The following CDH12 variants were observed in gnomAD, a reference collection of about 807,000 sequenced individuals.
CDH12 encodes the protein cadherin 12.
A neutral mutation model predicts 74.1 loss-of-function variants in CDH12; 41 were observed. That is an observed-to-expected ratio of 0.55 (90% confidence interval 0.43 to 0.72). CDH12 has a LOEUF of 0.72. Among genes scored for constraint, CDH12 ranks in the 30% least tolerant of loss-of-function variants. CDH12 has a pLI of 0.00. For synonymous variants in CDH12, 399 were observed against 355.0 expected, an observed-to-expected ratio of 1.12 and a Z score of -1.39; for missense variants, 945 against 977.2, an observed-to-expected ratio of 0.97 and a Z score of 0.44.
At chr5:22,823,795 C>A (rs1469038580) in intron 1 of CDH12, among the ~76,000 whole-genome samples, 1 of 152,046 alleles carries the variant, frequency 6.6e-6, no homozygotes, top group African/African-American at 2.4e-5. Flanking sequence ...TCTCTCTTTG[C>A]CATGTAAGAC....
intron 4 of CDH12, among the ~76,000 whole-genome samples, chr5:22,155,074 G>A (rs902765413): frequency 3.5e-4 from 54 of 152,130 alleles, no homozygotes; most frequent in African/African-American, 1.1e-3. Flanking sequence ...GGCCCCTTCC[G>A]TTTCTGTAAT....
At chr5:22,271,824 T>C (rs1736413048) in intron 3 of CDH12, among the ~76,000 whole-genome samples, 1 of 151,856 alleles carries the variant, frequency 6.6e-6, no homozygotes, top group Non-Finnish European at 1.5e-5. Flanking sequence ...GTCTCAACAG[T>C]GAGTCTAAAA....
intron 2 of CDH12, among the ~76,000 whole-genome samples, chr5:22,502,048 G>A (rs968920994): frequency 1.3e-5 from 2 of 152,036 alleles, no homozygotes; most frequent in Admixed American, 6.6e-5. Flanking sequence ...TCCATTTGTC[G>A]ACACTCTTTG....
intron 4 of CDH12, among the ~76,000 whole-genome samples, chr5:22,149,982 A>C (rs1185179568): frequency 2.0e-5 from 3 of 152,152 alleles, no homozygotes; most frequent in Non-Finnish European, 4.4e-5. Flanking sequence ...TGACAGAGCA[A>C]GTTTCAAAAA....
chr5:22,138,849 T>C lies in CDH12; in HGVS notation c.-186-59987A>G, dbSNP rs1746615877. ...TATATGTGTACATATATACGTAATA[T>C]ATATATATATATATATATATATATA... On this transcript the variant is annotated intron_variant, in intron 4 of 14. Transcript: ENST00000382254. Among the ~76,000 whole-genome samples, 2 of 118,498 alleles carry C rather than the reference T, an allele frequency of 1.7e-5. 1 individual carries two copies. Among genetic ancestry groups the C allele is most frequent in the South Asian group, 5.2e-4 (2 of 3,820 alleles). 77.7% of individuals were successfully genotyped at this position (118,498 alleles called of 152,430 possible). A position where few individuals can be genotyped will look rare whatever the true frequency, so the allele number is the denominator to read the frequency against.
chr5:22,469,498 T>C (rs1377253132), intron 2 of CDH12, among the ~76,000 whole-genome samples: 1 of 151,728 alleles, frequency 6.6e-6, no homozygotes, highest in Non-Finnish European at 1.5e-5. Context: ...CCTCTTCTTA[T>C]AGGTATACAA....
At chr5:22,665,464 GAGAA>G (rs1740566850) in intron 1 of CDH12, among the ~76,000 whole-genome samples, 1 of 152,162 alleles carries the variant, frequency 6.6e-6, no homozygotes, top group Non-Finnish European at 1.5e-5. Context: ...TAATATTGCA[GAGAA>G]AGAAATATCT....
At chr5:22,698,336 G>T (rs1742494195) in intron 1 of CDH12, among the ~76,000 whole-genome samples, 1 of 151,186 alleles carries the variant, frequency 6.6e-6, no homozygotes, top group Non-Finnish European at 1.5e-5. Context: ...GGTCAGGCTG[G>T]TTTCAAACTC....
At chr5:22,371,193 G>A (rs1409930107) in intron 3 of CDH12, among the ~76,000 whole-genome samples, 1 of 152,022 alleles carries the variant, frequency 6.6e-6, no homozygotes. Context: ...TTGTCTAGGT[G>A]CCACTTTAAG....
intron 5 of CDH12, among the ~76,000 whole-genome samples, chr5:22,028,238 A>G (rs570870627): frequency 6.6e-6 from 1 of 152,248 alleles, no homozygotes; most frequent in East Asian, 1.9e-4. Flanking sequence ...CCTATTCAAC[A>G]TAGTGTTGGA....
At chr5:22,841,383 G>A (rs753620156) in intron 1 of CDH12, among the ~76,000 whole-genome samples, 37 of 152,136 alleles carry the variant, frequency 2.4e-4, no homozygotes, top group Non-Finnish European at 3.4e-4. Flanking sequence ...TGAAATCTGA[G>A]CATAGAATAT....
chr5:21,753,375 A>G (rs1424099299), intron 14 of CDH12, among the ~76,000 whole-genome samples: 1 of 152,192 alleles, frequency 6.6e-6, no homozygotes, highest in Non-Finnish European at 1.5e-5. Flanking sequence ...CCAAGAGTTT[A>G]TGGAATCTCA....
chr5:22,583,448 G>C (rs13164461), intron 1 of CDH12, among the ~76,000 whole-genome samples: 22,465 of 152,114 alleles, frequency 0.15, 2,164 homozygotes, highest in Admixed American at 0.33. Context: ...GAAATTGATA[G>C]TTTTTTATTG....
At chr5:22,504,296 T>A (rs774692614) in intron 2 of CDH12, among the ~76,000 whole-genome samples, 32 of 152,056 alleles carry the variant, frequency 2.1e-4, no homozygotes, top group African/African-American at 3.4e-4. Flanking sequence ...CTGAAATTAA[T>A]TGATAATGTT....
rs528131984 is a variant in CDH12, at chr5:22,836,406, T to C, written c.-523+16652A>G. Reference sequence around the variant, plus strand: ...TCTCGGCTAATTTTTTTTTCTTGTATTTTTTGTAGAGACAGGGTTTCACTA... The same window carrying C: ...TCTCGGCTAATTTTTTTTTCTTGTACTTTTTGTAGAGACAGGGTTTCACTA... On this transcript the variant is annotated intron_variant, in intron 1 of 14. Transcript: ENST00000382254. Among the ~76,000 whole-genome samples the C allele has an allele frequency of 1.1e-4, 16 of 151,672 alleles. No individual in the cohort carries two copies. The East Asian group carries it at 3.1e-3, about 30-fold the overall frequency.
chr5:22,309,603 A>C (rs1192466580), intron 3 of CDH12, among the ~76,000 whole-genome samples: 1 of 152,144 alleles, frequency 6.6e-6, no homozygotes, highest in Non-Finnish European at 1.5e-5. Context: ...GTGTGTGCTA[A>C]GACCACCTAA....
intron 5 of CDH12, among the ~76,000 whole-genome samples, chr5:22,064,586 T>C (rs1314209734): frequency 6.6e-6 from 1 of 152,164 alleles, no homozygotes; most frequent in Non-Finnish European, 1.5e-5. Context: ...ATATCACTAC[T>C]GGATTCTCCT....
chr5:22,798,607 G>T (rs901024505), intron 1 of CDH12, among the ~76,000 whole-genome samples: 2 of 151,748 alleles, frequency 1.3e-5, no homozygotes, highest in African/African-American at 4.8e-5. Flanking sequence ...TCTGATACTA[G>T]CCCTAACCTA....
intron 4 of CDH12, among the ~76,000 whole-genome samples, chr5:22,177,145 G>A (rs1749381665): frequency 6.6e-6 from 1 of 152,058 alleles, no homozygotes. Flanking sequence ...TTCCTAGGTG[G>A]TTACTCTACC....
Sources: allele counts gnomAD v4.1 joint callset (sites outside exome capture counted in the v4.1 genomes callset), GRCh38; gene constraint gnomAD v4.1.1; transcripts MANE v1.5; gene names NCBI Gene and HGNC (gene_info 2026-07-23, HGNC 2026-07-21).